The following ABI3BP variants were observed in gnomAD, a reference collection of about 807,000 sequenced individuals.
ABI3BP encodes the protein ABI family member 3 binding protein.
Under a neutral mutation model 268.6 loss-of-function variants are expected in ABI3BP, and 216 were observed. The ratio of observed to expected loss-of-function variants is 0.80; its 90% confidence interval spans 0.72 to 0.90. The LOEUF (loss-of-function observed/expected upper bound fraction) is 0.90. Ranked by LOEUF, ABI3BP falls within the 40% of genes least tolerant of loss-of-function variation. The pLI is 0.00. For missense variants in ABI3BP, 2,090 were observed against 2,182.4 expected (o/e 0.96, Z 0.84); for synonymous variants, 730 against 730.0 (o/e 1.00, Z 0.00).
chr3:100,898,616 C>T (rs1449526056), intron 4 of ABI3BP, 146 bp downstream of exon 4: 5 of 887,068 alleles, frequency 5.6e-6, no homozygotes, highest in Non-Finnish European at 8.0e-6. Context: ...ATAACCTTCT[C>T]AAGGGCAGGG....
At chr3:100,986,188 A>G (rs1375820599) in intron 1 of ABI3BP, among the ~76,000 whole-genome samples, 1 of 152,234 alleles carries the variant, frequency 6.6e-6, no homozygotes, top group East Asian at 1.9e-4. Context: ...CCTCAGGCCA[A>G]TAGCCAGTGA....
intron 1 of ABI3BP, among the ~76,000 whole-genome samples, chr3:100,960,984 A>T (rs1562083320): frequency 6.6e-6 from 1 of 152,214 alleles, no homozygotes; most frequent in Non-Finnish European, 1.5e-5. Context: ...CAGACTTCTG[A>T]CCTACAGAGC....
chr3:100,985,595 G>A (rs1278166970), intron 1 of ABI3BP, among the ~76,000 whole-genome samples: 1 of 152,094 alleles, frequency 6.6e-6, no homozygotes, highest in African/African-American at 2.4e-5. Context: ...GAGGAATTTT[G>A]TGTGCCTCTG....
At chr3:100,874,673 T>C (rs1333809456) in intron 9 of ABI3BP, among the ~76,000 whole-genome samples, 168 bp downstream of exon 9, 1 of 152,198 alleles carries the variant, frequency 6.6e-6, no homozygotes, top group African/African-American at 2.4e-5. Flanking sequence ...CATTTTCTTA[T>C]AGAATGTTAT....
intron 33 of ABI3BP, 90 bp from the exon 34 acceptor site, chr3:100,828,542 G>T: frequency 8.5e-7 from 1 of 1,178,208 alleles, no homozygotes; most frequent in East Asian, 2.5e-5. Context: ...ACGAGGTCAT[G>T]ACATATCTGT....
chr3:100,820,839 C>G (rs1430216127), intron 39 of ABI3BP, among the ~76,000 whole-genome samples: 1 of 152,130 alleles, frequency 6.6e-6, no homozygotes, highest in Non-Finnish European at 1.5e-5. Flanking sequence ...ATAGCCAAAA[C>G]ATAGACTGAG....
At chr3:100,898,453 A>G (rs2153476718) in intron 4 of ABI3BP, among the ~76,000 whole-genome samples, 1 of 152,268 alleles carries the variant, frequency 6.6e-6, no homozygotes, top group East Asian at 1.9e-4. Flanking sequence ...CCAACTTTTA[A>G]TTGTCTTTCC....
chr3:100,940,252 T>G (rs1179626480), intron 1 of ABI3BP, among the ~76,000 whole-genome samples: 2 of 152,060 alleles, frequency 1.3e-5, no homozygotes, highest in African/African-American at 2.4e-5. Flanking sequence ...GGGTACTGAT[T>G]GGGGAAGTGA....
In ABI3BP at chr3:100,838,193, C is replaced by T. The variant is rs1199071778; in HGVS notation, c.2083+17G>A. ...AAGAAAATCCTGTTAAGCTAAAGCACTGGAAATTATGTTTACCGGATTTAG... is the reference window on the plus strand; with the variant it reads ...AAGAAAATCCTGTTAAGCTAAAGCATTGGAAATTATGTTTACCGGATTTAG... On this transcript the variant is annotated intron_variant, in intron 26 of 67. Coordinates refer to ENST00000471714, the MANE Select transcript of ABI3BP (RefSeq NM_001375547.2). 6.5e-7 allele frequency: 1 copy of T among 1,529,868 alleles called. No individual in the cohort carries two copies. Among genetic ancestry groups the T allele is most frequent in the Admixed American group, 2.0e-5 (1 of 50,964 alleles). The allele number at this position is 1,529,868 out of a possible 1,614,324, so 94.8% of individuals were successfully genotyped here.
At chr3:100,819,358 T>C (rs1011210327) in intron 40 of ABI3BP, among the ~76,000 whole-genome samples, 1 of 152,154 alleles carries the variant, frequency 6.6e-6, no homozygotes, top group Admixed American at 6.5e-5. Flanking sequence ...TTATTCTTCA[T>C]AACATTTTCT....
chr3:100,821,575 T>C (rs1283974021), intron 38 of ABI3BP, among the ~76,000 whole-genome samples: 1 of 151,658 alleles, frequency 6.6e-6, no homozygotes, highest in African/African-American at 2.4e-5. Context: ...AGAAGGGATT[T>C]GCCTGTCATC....
intron 1 of ABI3BP, among the ~76,000 whole-genome samples, chr3:100,960,475 C>G (rs2078632505): frequency 6.6e-6 from 1 of 152,114 alleles, no homozygotes; most frequent in African/African-American, 2.4e-5. Flanking sequence ...CTTTAAACTG[C>G]TGGAAAGACA....
chr3:100,928,143 C>T (rs2062432830), intron 1 of ABI3BP, among the ~76,000 whole-genome samples: 1 of 151,942 alleles, frequency 6.6e-6, no homozygotes, highest in Admixed American at 6.6e-5. Flanking sequence ...TCTTGGCATC[C>T]TAGTTCTTTT....
At chr3:100,903,433 G>A (rs1461085210) in intron 2 of ABI3BP, among the ~76,000 whole-genome samples, 2 of 152,156 alleles carry the variant, frequency 1.3e-5, no homozygotes, top group African/African-American at 4.8e-5. Flanking sequence ...TTACACATAT[G>A]TAAATAAACC....
intron 57 of ABI3BP, among the ~76,000 whole-genome samples, chr3:100,786,436 T>C (rs1290580649): frequency 6.6e-6 from 1 of 152,194 alleles, no homozygotes; most frequent in African/African-American, 2.4e-5. Flanking sequence ...ATATTGTTGA[T>C]AAGCTAAAAT....
chr3:100,833,060 C>T, intron 30 of ABI3BP, 65 bp downstream of exon 30: 2 of 1,364,962 alleles, frequency 1.5e-6, no homozygotes, highest in Non-Finnish European at 2.0e-6. Flanking sequence ...GCCTATATAG[C>T]ACCATAGCAA....
intron 2 of ABI3BP, among the ~76,000 whole-genome samples, chr3:100,912,485 T>G (rs193054270): frequency 1.7e-4 from 26 of 151,914 alleles, no homozygotes; most frequent in African/African-American, 5.8e-4. Context: ...AAGGTAATTA[T>G]TTTTATTAGA....
At chr3:100,830,913 C>T (rs1432762246) in intron 31 of ABI3BP, among the ~76,000 whole-genome samples, 3 of 151,912 alleles carry the variant, frequency 2.0e-5, no homozygotes, top group Non-Finnish European at 4.4e-5. Flanking sequence ...AACCATGATT[C>T]GAATGAACAC....
intron 1 of ABI3BP, among the ~76,000 whole-genome samples, chr3:100,969,445 C>CCCTT: frequency 6.6e-6 from 1 of 152,160 alleles, no homozygotes; most frequent in Admixed American, 6.5e-5. Context: ...GAGCCAAGTA[C>CCCTT]TAAAGGGATG....
Sources: allele counts gnomAD v4.1 joint callset (sites outside exome capture counted in the v4.1 genomes callset), GRCh38; gene constraint gnomAD v4.1.1; transcripts MANE v1.5; gene names NCBI Gene and HGNC (gene_info 2026-07-23, HGNC 2026-07-21).